Variants in KCNQ3 observed in about 807,000 individuals in gnomAD.
KCNQ3 encodes the protein potassium voltage-gated channel subfamily KQT member 3.
A neutral mutation model predicts 92.5 loss-of-function variants in KCNQ3; 30 were observed. The observed-to-expected ratio is 0.32, with a 90% CI of 0.24 to 0.44. KCNQ3 has a LOEUF of 0.44. Among genes scored for constraint, KCNQ3 ranks in the 20% least tolerant of loss-of-function variants. KCNQ3 has a pLI of 1.00. For missense variants in KCNQ3, 913 were observed against 1,140.3 expected (o/e 0.80, Z 2.87); for synonymous variants, 450 against 468.8 (o/e 0.96, Z 0.52).
intron 14 of KCNQ3, among the ~76,000 whole-genome samples, chr8:132,131,792 AAAACAATGGTGGG>A (rs1824887537): frequency 6.6e-6 from 1 of 152,094 alleles, no homozygotes; most frequent in African/African-American, 2.4e-5. Flanking sequence ...CTCCCTTTGA[AAAACAATGGTGGG>A]GACTGGGCGC....
intron 1 of KCNQ3, among the ~76,000 whole-genome samples, chr8:132,366,469 T>A (rs974977551): frequency 4.6e-5 from 7 of 152,174 alleles, no homozygotes; most frequent in Admixed American, 1.3e-4. Context: ...GGCTAGTACC[T>A]CTAGTTCAAT....
At chr8:132,249,662 C>A (rs1459482732) in intron 1 of KCNQ3, among the ~76,000 whole-genome samples, 1 of 152,230 alleles carries the variant, frequency 6.6e-6, no homozygotes, top group African/African-American at 2.4e-5. Flanking sequence ...CGCCTGCACA[C>A]CTCAGCTGTT....
At chr8:132,389,386 C>T (rs1334059564) in intron 1 of KCNQ3, among the ~76,000 whole-genome samples, 4 of 152,146 alleles carry the variant, frequency 2.6e-5, no homozygotes, top group Non-Finnish European at 5.9e-5. Flanking sequence ...AAGCCAGCAG[C>T]GAGCTGAGAT....
intron 1 of KCNQ3, among the ~76,000 whole-genome samples, chr8:132,331,673 T>C (rs1203745057): frequency 6.6e-6 from 1 of 152,200 alleles, no homozygotes; most frequent in Non-Finnish European, 1.5e-5. Flanking sequence ...CTGTGTCCAC[T>C]GGGAATTTAG....
chr8:132,402,556 T>C (rs982865338), intron 1 of KCNQ3, among the ~76,000 whole-genome samples: 24 of 152,294 alleles, frequency 1.6e-4, no homozygotes, highest in Admixed American at 1.5e-3. Flanking sequence ...CCTTGCATGC[T>C]GTTTCTAAAT....
chr8:132,182,762 A>T (rs916869315), intron 3 of KCNQ3, among the ~76,000 whole-genome samples: 2 of 152,204 alleles, frequency 1.3e-5, no homozygotes, highest in East Asian at 3.8e-4. Flanking sequence ...CTTGCAAAAA[A>T]CTTGGAGGGA....
At chr8:132,195,730 G>A (rs753230104) in intron 1 of KCNQ3, among the ~76,000 whole-genome samples, 3 of 152,182 alleles carry the variant, frequency 2.0e-5, no homozygotes, top group Non-Finnish European at 4.4e-5. Flanking sequence ...TGAAAGAAAG[G>A]ATAAATAACA....
chr8:132,292,551 A>G (rs778821453), intron 1 of KCNQ3, among the ~76,000 whole-genome samples: 1 of 152,194 alleles, frequency 6.6e-6, no homozygotes, highest in Non-Finnish European at 1.5e-5. Context: ...GAATAAATGC[A>G]TGGATGGAGA....
intron 9 of KCNQ3, among the ~76,000 whole-genome samples, chr8:132,149,687 C>T (rs904563633): frequency 1.2e-4 from 19 of 152,166 alleles, no homozygotes; most frequent in African/African-American, 3.1e-4. Flanking sequence ...GCCACAGACA[C>T]GCGCGCGGGA....
At chr8:132,466,509 G>A (rs1038808855) in intron 1 of KCNQ3, among the ~76,000 whole-genome samples, 1 of 152,166 alleles carries the variant, frequency 6.6e-6, no homozygotes, top group African/African-American at 2.4e-5. Context: ...TGGAGTTCAA[G>A]GACCATTCCT....
Position 132,122,205 on chromosome 8 carries a change from C to T in KCNQ3, c.*7057G>A, listed in dbSNP as rs1312372572. On this transcript the variant is annotated 3_prime_UTR_variant, in exon 15 of 15. Transcript: ENST00000388996. ...GACAAGGTCTTGTCTTCAGTTTCCTCATCTATAAGATGGAGACAATAACAT... is the reference window on the plus strand; with the variant it reads ...GACAAGGTCTTGTCTTCAGTTTCCTTATCTATAAGATGGAGACAATAACAT... 1 of 152,176 alleles carries T rather than the reference C, an allele frequency of 6.6e-6. No homozygotes were observed. The highest frequency in any genetic ancestry group is 1.9e-4 in the East Asian group (1 of 5,190). 9.4% of individuals were successfully genotyped at this position (152,176 alleles called of 1,614,324 possible).
chr8:132,228,432 C>T (rs1814504018), intron 1 of KCNQ3, among the ~76,000 whole-genome samples: 1 of 151,900 alleles, frequency 6.6e-6, no homozygotes, highest in Admixed American at 6.6e-5. Context: ...TAGGCACTGG[C>T]AATACCTAAT....
chr8:132,142,368 C>G (rs1228779786), intron 9 of KCNQ3, among the ~76,000 whole-genome samples: 2 of 152,158 alleles, frequency 1.3e-5, no homozygotes, highest in Non-Finnish European at 2.9e-5. Flanking sequence ...TTTTGAGCCT[C>G]AGTTACCTTG....
intron 1 of KCNQ3, among the ~76,000 whole-genome samples, chr8:132,196,756 G>GC (rs1415094254): frequency 6.6e-6 from 1 of 152,198 alleles, no homozygotes; most frequent in African/African-American, 2.4e-5. Context: ...CAGACTTTCA[G>GC]CCAATAACCC....
chr8:132,362,750 A>G (rs73345917), intron 1 of KCNQ3, among the ~76,000 whole-genome samples: 14,500 of 152,246 alleles, frequency 0.095, 727 homozygotes, highest in South Asian at 0.16. Context: ...TGCAAAGACA[A>G]GCAGGCTTGA....
intron 1 of KCNQ3, among the ~76,000 whole-genome samples, chr8:132,283,090 CTCGTGTGTGTGTGT>C (rs1269759424): frequency 7.3e-6 from 1 of 137,750 alleles, no homozygotes; most frequent in Non-Finnish European, 1.5e-5. Context: ...CTCTCTCTCT[CTCGTGTGTGTGTGT>C]GTGTGTGTGT....
At chr8:132,462,201 A>AT (rs1554659384) in intron 1 of KCNQ3, among the ~76,000 whole-genome samples, 3 of 136,168 alleles carry the variant, frequency 2.2e-5, no homozygotes, top group African/African-American at 5.5e-5. Flanking sequence ...TTATTTATTT[A>AT]TTTATTTTAT....
rs373827360 is a variant in KCNQ3, at chr8:132,388,451, G to A, written c.386+91696C>T. Among the ~76,000 whole-genome samples the A allele has an allele frequency of 1.6e-3, 242 of 152,064 alleles. 11 individuals are homozygous for A. The South Asian group carries it at 0.046, about 29-fold the overall frequency. ...TGTACAAGTTCAACAATAGGGTACC[G>A]ATTAAAAACTTTCTACCTTTGATGG... is the stretch of plus-strand genomic sequence containing the variant. On this transcript the variant is annotated intron_variant, in intron 1 of 14. Transcript: ENST00000388996.
At chr8:132,154,138 A>G (rs975663560) in intron 9 of KCNQ3, among the ~76,000 whole-genome samples, 3 of 149,766 alleles carry the variant, frequency 2.0e-5, no homozygotes, top group African/African-American at 7.4e-5. Context: ...TTGGCTTAGG[A>G]CTAGGCTCAG....
Sources: gnomAD v4.1 joint callset for allele counts (sites outside exome capture counted in the v4.1 genomes callset) on GRCh38, gnomAD v4.1.1 for gene constraint, MANE v1.5 for transcripts, NCBI Gene and HGNC (gene_info 2026-07-23, HGNC 2026-07-21) for gene names.